The following UCK2 variants were observed in gnomAD, a reference collection of about 807,000 sequenced individuals.
UCK2 encodes the protein uridine-cytidine kinase 2.
UCK2 carries 6 observed loss-of-function variants against 30.8 expected under a neutral mutation model. The observed-to-expected ratio is 0.19, with a 90% CI of 0.11 to 0.38. UCK2 has a LOEUF of 0.38. Ranked by LOEUF, UCK2 falls within the 10% of genes least tolerant of loss-of-function variation. The pLI is 1.00. For synonymous variants in UCK2, 125 were observed against 133.6 expected, an observed-to-expected ratio of 0.94 and a Z score of 0.45; for missense variants, 210 against 339.8, an observed-to-expected ratio of 0.62 and a Z score of 3.00.
At chr1:165,855,742 G>A (rs1654728042) in intron 1 of UCK2, among the ~76,000 whole-genome samples, 3 of 152,132 alleles carry the variant, frequency 2.0e-5, no homozygotes, top group Admixed American at 2.0e-4. Flanking sequence ...ATGAATATTC[G>A]AGGAGCACAG....
Position 165,827,778 on chromosome 1 carries a change from G to T in UCK2, c.-56G>T, listed in dbSNP as rs1329628425. On this transcript the variant is annotated 5_prime_UTR_variant, in exon 1 of 7. Coordinates refer to ENST00000367879, the MANE Select transcript of UCK2 (RefSeq NM_012474.5). ...AGCGGAGGGAGTCCGACGCGGGCGC[G>T]GGCGGGGAGCGTGCGTCCGTTCGCA... The T allele has an allele frequency of 1.6e-6, 2 of 1,289,506 alleles. No homozygotes were observed. The highest frequency in any genetic ancestry group is 2.0e-6 in the Non-Finnish European group (2 of 1,007,182). 79.9% of individuals were successfully genotyped at this position (1,289,506 alleles called of 1,614,324 possible). A position where few individuals can be genotyped will look rare whatever the true frequency, so the allele number is the denominator to read the frequency against.
intron 2 of UCK2, chr1:165,890,738 T>C (rs1655744649): frequency 3.8e-6 from 1 of 260,180 alleles, no homozygotes; most frequent in Non-Finnish European, 7.5e-6. Flanking sequence ...ACCCACTGTC[T>C]GGCAGAGAGG....
intron 1 of UCK2, among the ~76,000 whole-genome samples, chr1:165,851,181 G>GGTGTGTCTGAGATC (rs1654587996): frequency 6.6e-6 from 1 of 152,100 alleles, no homozygotes; most frequent in South Asian, 2.1e-4. Context: ...AGTGCACCTG[G>GGTGTGTCTGAGATC]GTGTGTCTGA....
intron 4 of UCK2, chr1:165,900,466 G>A (rs1422230834): frequency 6.6e-6 from 1 of 152,242 alleles, no homozygotes; most frequent in African/African-American, 2.4e-5. Context: ...TTGGGGTTAG[G>A]ATTCAGGTCC....
intron 1 of UCK2, among the ~76,000 whole-genome samples, chr1:165,850,932 T>G (rs1349242077): frequency 1.5e-4 from 2 of 13,248 alleles, no homozygotes; most frequent in Non-Finnish European, 2.8e-3. Flanking sequence ...TTTAAATTTT[T>G]TTTTTTTTTT....
intron 2 of UCK2, 27 bp from the exon 3 acceptor site, chr1:165,891,199 A>G: frequency 6.3e-7 from 1 of 1,592,488 alleles, no homozygotes; most frequent in Non-Finnish European, 8.6e-7. Flanking sequence ...AAATTAAGAA[A>G]CATTTTAACA....
At position 165,910,838 on chromosome 1, in the gene UCK2, G is replaced by C. The variant is rs1021533760; in HGVS notation, c.*3015G>C. The C allele has an allele frequency of 5.9e-5, 9 of 152,236 alleles. No individual in the cohort carries two copies. Among genetic ancestry groups the C allele is most frequent in the Non-Finnish European group, 1.3e-4 (9 of 68,080 alleles). The allele number at this position is 152,236 out of a possible 1,614,324, so 9.4% of individuals were successfully genotyped here. ...GCCACTTGGCAATCATGGGGAAGTT[G>C]ACTCCCCGCCTCACTTGGGCTTGGA... On this transcript the variant is annotated 3_prime_UTR_variant, in exon 7 of 7. Transcript: ENST00000367879.
chr1:165,855,617 T>C (rs1356534390), intron 1 of UCK2, among the ~76,000 whole-genome samples: 1 of 151,922 alleles, frequency 6.6e-6, no homozygotes, highest in Non-Finnish European at 1.5e-5. Flanking sequence ...TGTTGGTGTC[T>C]GAATATGTGC....
intron 4 of UCK2, among the ~76,000 whole-genome samples, chr1:165,897,590 A>G (rs928265689): frequency 1.3e-5 from 2 of 152,138 alleles, no homozygotes; most frequent in African/African-American, 4.8e-5. Flanking sequence ...CATTATTGAC[A>G]GTTTCAGATA....
chr1:165,890,885 C>T, intron 2 of UCK2: 1 of 291,542 alleles, frequency 3.4e-6, no homozygotes, highest in Non-Finnish European at 6.6e-6. Context: ...GTGTGTACTC[C>T]CCCAGTCATG....
chr1:165,874,734 A>G (rs898080147), intron 1 of UCK2, among the ~76,000 whole-genome samples: 2 of 152,066 alleles, frequency 1.3e-5, no homozygotes, highest in African/African-American at 2.4e-5. Flanking sequence ...TCTTCCATCT[A>G]TAGGTTGTTA....
rs577201441 is a variant in UCK2, at chr1:165,870,956, T to C, written c.100-19248T>C. On this transcript the variant is annotated intron_variant, in intron 1 of 6. Transcript: ENST00000367879. ...CCTCAGCCTCCCAAGTAGCTGGGATTACAGGCATGTGCCACCATGCTTGGC... is the reference window on the plus strand; with the variant it reads ...CCTCAGCCTCCCAAGTAGCTGGGATCACAGGCATGTGCCACCATGCTTGGC... 2.6e-5 allele frequency among the ~76,000 whole-genome samples: 4 copies of C among 152,326 alleles called. No individual in the cohort carries two copies. The East Asian group carries it at 7.7e-4, about 29-fold the overall frequency.
chr1:165,868,894 C>T (rs1016668487), intron 1 of UCK2, among the ~76,000 whole-genome samples: 38 of 152,182 alleles, frequency 2.5e-4, no homozygotes, highest in African/African-American at 6.5e-4. Context: ...TCTTGGCTTT[C>T]GACATGCCTT....
At chr1:165,853,182 C>T (rs1243217020) in intron 1 of UCK2, among the ~76,000 whole-genome samples, 1 of 152,186 alleles carries the variant, frequency 6.6e-6, no homozygotes, top group Non-Finnish European at 1.5e-5. Flanking sequence ...CCACAAAGAG[C>T]TGAACCTACT....
At chr1:165,862,011 C>G (rs1490381261) in intron 1 of UCK2, among the ~76,000 whole-genome samples, 2 of 152,184 alleles carry the variant, frequency 1.3e-5, no homozygotes, top group Non-Finnish European at 2.9e-5. Context: ...TTTATTCTTT[C>G]ATGACTTCCA....
intron 1 of UCK2, among the ~76,000 whole-genome samples, chr1:165,852,524 C>A (rs1318946321): frequency 6.6e-6 from 1 of 152,210 alleles, no homozygotes; most frequent in Admixed American, 6.5e-5. Flanking sequence ...GATACCACCA[C>A]ACGCCAGTCA....
At chr1:165,854,991 T>C (rs1437101688) in intron 1 of UCK2, among the ~76,000 whole-genome samples, 2 of 152,200 alleles carry the variant, frequency 1.3e-5, no homozygotes, top group African/African-American at 2.4e-5. Context: ...AGATACTTTG[T>C]ACACATGACA....
rs534149016 is a variant in UCK2, at chr1:165,866,028, C to T, written c.100-24176C>T. Among the ~76,000 whole-genome samples the T allele has an allele frequency of 5.5e-4, 83 of 151,960 alleles. 1 individual carries two copies. Among genetic ancestry groups the T allele is most frequent in the Non-Finnish European group, 1.1e-3 (74 of 67,950 alleles). On this transcript the variant is annotated intron_variant, in intron 1 of 6. Transcript: ENST00000367879. The stretch of plus-strand genomic sequence containing the variant: ...AAACTGAGTGGTGGGCTAGGTAGTA[C>T]GGGGAATAGGGAGAGGAAGAAGGGG...
intron 1 of UCK2, among the ~76,000 whole-genome samples, chr1:165,875,645 G>C (rs1006601914): frequency 2.0e-5 from 3 of 152,118 alleles, no homozygotes; most frequent in Non-Finnish European, 4.4e-5. Flanking sequence ...CCCCCTCTTA[G>C]GGTTTGATTA....
Sources: allele counts gnomAD v4.1 joint callset (sites outside exome capture counted in the v4.1 genomes callset), GRCh38; gene constraint gnomAD v4.1.1; transcripts MANE v1.5; gene names NCBI Gene and HGNC (gene_info 2026-07-23, HGNC 2026-07-21).